WNT9A: variants seen among roughly 807,000 people sequenced by gnomAD.
WNT9A encodes the protein Wnt family member 9A, also known as protein Wnt-9a.
A neutral mutation model predicts 31.4 loss-of-function variants in WNT9A; 8 were observed. The ratio of observed to expected loss-of-function variants is 0.26; its 90% CI spans 0.15 to 0.46. WNT9A has a LOEUF of 0.46. Ranked by LOEUF, WNT9A falls within the 20% of genes least tolerant of loss-of-function variation. The probability of loss-of-function intolerance (pLI) is 0.99; values close to 1 mark genes in which losing one functional copy is unlikely to be tolerated. For synonymous variants in WNT9A, 236 were observed against 220.1 expected, an observed-to-expected ratio of 1.07 and a Z score of -0.64; for missense variants, 457 against 522.9, an observed-to-expected ratio of 0.87 and a Z score of 1.23.
chr1:227,945,035 T>C (rs577121654), intron 1 of WNT9A, among the ~76,000 whole-genome samples: 110 of 152,242 alleles, frequency 7.2e-4, no homozygotes, highest in Non-Finnish European at 1.2e-3. Context: ...TGACTCCACA[T>C]CCAGAGGGTC....
rs943665588 is a variant in WNT9A at position 227,924,336 on chromosome 1, C to T, written c.417G>A (p.Lys139=). 6.2e-7 allele frequency: 1 copy of T among 1,613,632 alleles called. No homozygotes were observed. ...SSAGLTHALA[K]ACSAGRMERC... ...GCTCCATGCGGCCCGCGCTGCACGC[C>T]TTGGCCAGTGCGTGCGTCAGGCCAG... The change falls in exon 3 of 4, where the codon AAG becomes AAA. Residue 139 remains lysine, a synonymous_variant. Transcript: ENST00000272164.
Position 227,947,803 on chromosome 1 carries a change from C to A in WNT9A, c.85G>T (p.Ala29Ser). The change falls in exon 1 of 4, where the codon GCC becomes TCC. Residue 29 changes from alanine (A) to serine (S), a missense_variant. Physicochemically the swap from Ala to Ser is moderately conservative, Grantham distance 99. Coordinates refer to ENST00000272164, the MANE Select transcript of WNT9A (RefSeq NM_003395.4). ...GCCGAAGGCACCTACCCGAAGTAGG[C>A]GGCCGAAGGGCGCAGCGCGGCGAGC... ...LLLAALRPSAAYFGLTGSEPL... is the reference protein window; with the variant it reads ...LLLAALRPSASYFGLTGSEPL... 9.2e-7 allele frequency: 1 copy of A among 1,090,022 alleles called. No homozygotes were observed. The highest frequency in any genetic ancestry group is 1.1e-6 in the Non-Finnish European group (1 of 898,188). The allele number at this position is 1,090,022 out of a possible 1,614,324, so 67.5% of individuals were successfully genotyped here. A position where few individuals can be genotyped will look rare whatever the true frequency, so the allele number is the denominator to read the frequency against.
At chr1:227,935,896 A>G (rs911446946) in intron 1 of WNT9A, among the ~76,000 whole-genome samples, 1 of 152,224 alleles carries the variant, frequency 6.6e-6, no homozygotes, top group African/African-American at 2.4e-5. Flanking sequence ...TGGGCAGCAC[A>G]GGGCCAGAGA....
chr1:227,927,289 G>A (rs1248763791), intron 1 of WNT9A, among the ~76,000 whole-genome samples: 2 of 152,184 alleles, frequency 1.3e-5, no homozygotes, highest in Non-Finnish European at 2.9e-5. Flanking sequence ...GGAGTGGGTA[G>A]AGGAGGAGCC....
At chr1:227,938,968 G>C (rs1464596824) in intron 1 of WNT9A, among the ~76,000 whole-genome samples, 1 of 152,240 alleles carries the variant, frequency 6.6e-6, no homozygotes, top group Non-Finnish European at 1.5e-5. Flanking sequence ...CAGGCTCACG[G>C]CAGCACCAGT....
chr1:227,937,554 G>A (rs1365955578), intron 1 of WNT9A, among the ~76,000 whole-genome samples: 1 of 152,252 alleles, frequency 6.6e-6, no homozygotes, highest in Non-Finnish European at 1.5e-5. Context: ...AGCCAGTGGA[G>A]GCTGTCCTTA....
chr1:227,940,050 G>C (rs894877230), intron 1 of WNT9A, among the ~76,000 whole-genome samples: 2 of 152,134 alleles, frequency 1.3e-5, no homozygotes, highest in Non-Finnish European at 2.9e-5. Context: ...AGCATCCTCG[G>C]GCCTGAGAGA....
At position 227,921,715 on chromosome 1, in the gene WNT9A, C is replaced by T. The variant is rs376446771; in HGVS notation, c.901G>A (p.Ala301Thr). The change falls in exon 4 of 4, where the codon GCT becomes ACT. Residue 301 changes from alanine (A) to threonine (T), a missense_variant. By Grantham distance (58) the Ala-to-Thr change is moderately conservative. Coordinates refer to ENST00000272164, the MANE Select transcript of WNT9A (RefSeq NM_003395.4). ...HLDDSPSFCLAGRFSPGTAGR... is the reference protein window; with the variant it reads ...HLDDSPSFCLTGRFSPGTAGR... ...GCGGTGCCCGGGGAGAAGCGGCCAG[C>T]CAGGCAGAAGCTAGGCGAGTCATCC... The T allele has an allele frequency of 1.2e-6, 2 of 1,612,640 alleles. No individual in the cohort carries two copies. The highest frequency in any genetic ancestry group is 4.5e-5 in the East Asian group (2 of 44,860).
chr1:227,925,625 G>T lies in WNT9A; in HGVS notation c.96-106C>A, dbSNP rs1572125790. On this transcript the variant is annotated intron_variant, in intron 1 of 3. Transcript: ENST00000272164. This position sits in a 1 kb window ranked among gnomAD's most constrained non-coding sequence, Gnocchi z 6.0. ...CAGGGGACAGGCGTGTCCATCCGGG[G>T]GTGAGGGGGCAGAAAGAATCCAGGA... 1 of 1,412,014 alleles carries T rather than the reference G, an allele frequency of 7.1e-7. No homozygotes were observed. The highest frequency in any genetic ancestry group is 1.5e-5 in the South Asian group (1 of 65,832). The allele number at this position is 1,412,014 out of a possible 1,614,324, so 87.5% of individuals were successfully genotyped here. A position where few individuals can be genotyped will look rare whatever the true frequency, so the allele number is the denominator to read the frequency against.
chr1:227,936,665 G>C (rs1489419284), intron 1 of WNT9A, among the ~76,000 whole-genome samples: 3 of 150,718 alleles, frequency 2.0e-5, no homozygotes, highest in African/African-American at 7.4e-5. Flanking sequence ...TCTTTGCTCT[G>C]TTCAAGCTGG....
In WNT9A at chr1:227,922,660, G is replaced by C. The variant is rs1333121722; in HGVS notation, c.616-660C>G. ...GTGTCCAGGCTGGCCCCAGAGGGGG[G>C]TGCACCCCTCACCCTCAGCAGGGAG... On this transcript the variant is annotated intron_variant, in intron 3 of 3. Coordinates refer to ENST00000272164, the MANE Select transcript of WNT9A (RefSeq NM_003395.4). Among the ~76,000 whole-genome samples the C allele has an allele frequency of 3.9e-5, 6 of 152,122 alleles. No individual in the cohort carries two copies. In the East Asian group the frequency reaches 1.2e-3, roughly 30 times the overall value.
chr1:227,930,763 G>A (rs1367127336), intron 1 of WNT9A, among the ~76,000 whole-genome samples: 1 of 152,186 alleles, frequency 6.6e-6, no homozygotes, highest in East Asian at 1.9e-4. Flanking sequence ...GCTCACGCCT[G>A]TAATCCCAAT....
In WNT9A at chr1:227,922,459, C is replaced by T. The variant is rs562269381; in HGVS notation, c.616-459G>A. Among the ~76,000 whole-genome samples, 4 of 152,356 alleles carry T rather than the reference C, an allele frequency of 2.6e-5. No homozygotes were observed. In the South Asian group the frequency reaches 8.3e-4, roughly 32 times the overall value. On this transcript the variant is annotated intron_variant, in intron 3 of 3. Transcript: ENST00000272164. ...GTATGTCTGAGCTGACCGCAACCTC[C>T]CTACCCCTAATATCGGGAACCAGGT...
intron 1 of WNT9A, among the ~76,000 whole-genome samples, chr1:227,946,004 C>A (rs1295368353): frequency 6.6e-6 from 1 of 152,212 alleles, no homozygotes; most frequent in Admixed American, 6.5e-5. Context: ...AGCACACTTG[C>A]CCTCTGGACT....
chr1:227,937,710 C>T (rs1230485889), intron 1 of WNT9A, among the ~76,000 whole-genome samples: 1 of 152,256 alleles, frequency 6.6e-6, no homozygotes. Flanking sequence ...ACCCTCCCCT[C>T]AAGCCTCCAG....
intron 1 of WNT9A, among the ~76,000 whole-genome samples, chr1:227,931,076 T>C (rs1182617808): frequency 1.3e-5 from 2 of 150,248 alleles, no homozygotes; most frequent in African/African-American, 4.9e-5. Flanking sequence ...TTCTCTCATC[T>C]TCCTTCCTTC....
intron 1 of WNT9A, 124 bp downstream of exon 1, chr1:227,947,669 C>T (rs1168369980): frequency 4.8e-6 from 2 of 419,858 alleles, no homozygotes; most frequent in African/African-American, 4.3e-5. Context: ...CAGCGCCAGG[C>T]AACCCGGCGG....
chr1:227,945,691 C>G (rs1666783278), intron 1 of WNT9A, among the ~76,000 whole-genome samples: 1 of 152,020 alleles, frequency 6.6e-6, no homozygotes, highest in Non-Finnish European at 1.5e-5. Context: ...CAGCCCCCCT[C>G]CAGCTCCAGC....
At chr1:227,946,337 C>A (rs1310336015) in intron 1 of WNT9A, among the ~76,000 whole-genome samples, 1 of 152,246 alleles carries the variant, frequency 6.6e-6, no homozygotes, top group Non-Finnish European at 1.5e-5. Context: ...CCGCTGCAGC[C>A]TGGACAAGCC....
Sources: gnomAD v4.1 joint callset for allele counts (sites outside exome capture counted in the v4.1 genomes callset) on GRCh38, gnomAD v4.1.1 for gene constraint, Gnocchi (gnomAD v3.1) non-coding constraint, MANE v1.5 for transcripts, NCBI Gene and HGNC (gene_info 2026-07-23, HGNC 2026-07-21) for gene names.